The following TANGO6 variants were observed in gnomAD, a reference collection of about 807,000 sequenced individuals.
TANGO6 encodes the protein transport and golgi organization 6 homolog.
A neutral mutation model predicts 114.2 loss-of-function variants in TANGO6; 90 were observed. That is an observed-to-expected ratio of 0.79 (90% CI 0.66 to 0.94). TANGO6 has a LOEUF of 0.94. Among genes scored for constraint, TANGO6 ranks in the 40% least tolerant of loss-of-function variants. The probability of loss-of-function intolerance (pLI) is 0.00; values close to 1 mark genes in which losing one functional copy is unlikely to be tolerated. For missense variants in TANGO6, 1,274 were observed against 1,315.3 expected, an observed-to-expected ratio of 0.97 and a Z score of 0.49; for synonymous variants, 477 against 509.8, an observed-to-expected ratio of 0.94 and a Z score of 0.87.
intron 15 of TANGO6, among the ~76,000 whole-genome samples, chr16:68,990,110 T>C (rs1007505012): frequency 2.0e-5 from 3 of 152,158 alleles, no homozygotes; most frequent in Non-Finnish European, 2.9e-5. Context: ...CACAGCTCAA[T>C]GCAGCCTCAA....
At chr16:68,958,024 T>A (rs1205006586) in intron 14 of TANGO6, among the ~76,000 whole-genome samples, 3 of 151,014 alleles carry the variant, frequency 2.0e-5, no homozygotes, top group Non-Finnish European at 4.4e-5. Flanking sequence ...ATACAAAAAT[T>A]AGCCGGGTGC....
chr16:68,978,741 G>A (rs191364205), intron 15 of TANGO6, among the ~76,000 whole-genome samples: 2 of 151,794 alleles, frequency 1.3e-5, no homozygotes, highest in East Asian at 3.9e-4. Context: ...GGAGAATGCG[G>A]CCCACCCGTG....
intron 11 of TANGO6, among the ~76,000 whole-genome samples, chr16:68,916,761 T>G (rs1193358053): frequency 6.6e-6 from 1 of 152,132 alleles, no homozygotes; most frequent in Admixed American, 6.6e-5. Context: ...AGTTTTTTTT[T>G]AGAGCAGTTT....
At chr16:68,909,480 T>C (rs1962895916) in intron 11 of TANGO6, 78 bp downstream of exon 11, 1 of 1,316,576 alleles carries the variant, frequency 7.6e-7, no homozygotes, top group Non-Finnish European at 9.9e-7. Context: ...GCTGAGAGTG[T>C]GATTTGATGA....
At chr16:68,918,914 TA>T (rs143767290) in intron 11 of TANGO6, among the ~76,000 whole-genome samples, 170 bp from the exon 12 acceptor site, 18 of 149,366 alleles carry the variant, frequency 1.2e-4, no homozygotes, top group African/African-American at 2.5e-4. Context: ...GGTAAATGTT[TA>T]AAAAAAAAAC....
At chr16:69,044,408 AATCCCTGGAGAGGGATT>A (rs1334383338) in intron 17 of TANGO6, among the ~76,000 whole-genome samples, 1 of 152,030 alleles carries the variant, frequency 6.6e-6, no homozygotes, top group African/African-American at 2.4e-5. Context: ...GGCTACCTGA[AATCCCTGGAGAGGGATT>A]AGAAGCAGGC....
At chr16:69,027,142 A>G (rs1029157405) in intron 16 of TANGO6, among the ~76,000 whole-genome samples, 3 of 152,192 alleles carry the variant, frequency 2.0e-5, no homozygotes, top group African/African-American at 7.2e-5. Flanking sequence ...GATTACAGGC[A>G]TGAGCCACCG....
intron 15 of TANGO6, among the ~76,000 whole-genome samples, chr16:69,022,047 G>T (rs571236244): frequency 6.6e-6 from 1 of 151,582 alleles, no homozygotes; most frequent in Non-Finnish European, 1.5e-5. Context: ...CACCACGCCC[G>T]GCTAATTTTT....
intron 15 of TANGO6, among the ~76,000 whole-genome samples, chr16:68,979,199 C>A (rs1214097271): frequency 6.6e-6 from 1 of 151,650 alleles, no homozygotes; most frequent in Non-Finnish European, 1.5e-5. Flanking sequence ...GAGATTAAGG[C>A]GTAAACCACA....
intron 14 of TANGO6, 142 bp downstream of exon 14, chr16:68,930,437 T>C: frequency 1.6e-6 from 1 of 639,902 alleles, no homozygotes; most frequent in Non-Finnish European, 2.7e-6. Context: ...TAGGACACTT[T>C]AAGTCATAAT....
chr16:69,067,207 A>AT (rs1176991704), intron 17 of TANGO6, among the ~76,000 whole-genome samples: 11 of 151,008 alleles, frequency 7.3e-5, no homozygotes, highest in Non-Finnish European at 1.2e-4. Context: ...TACAAAAAAA[A>AT]TTTTTTTTTT....
chr16:69,060,168 C>CT (rs1026832305), intron 17 of TANGO6, among the ~76,000 whole-genome samples: 2 of 151,790 alleles, frequency 1.3e-5, no homozygotes, highest in Admixed American at 6.6e-5. Context: ...TATGAAAAGG[C>CT]TTTTTTTTCT....
Position 68,974,108 on chromosome 16 carries a change from C to G in TANGO6, c.2782C>G (p.His928Asp). Residue 928 changes from histidine to aspartate, a missense_variant, in exon 15 of 18, where the codon CAC (histidine) becomes GAC (aspartate). Physicochemically the swap from His to Asp is moderately conservative, Grantham distance 81 (BLOSUM62 -1). Coordinates refer to ENST00000261778, the MANE Select transcript of TANGO6 (RefSeq NM_024562.2). ...LAQYDSSKDK[H>D]TPETRMKVGE... ...TCAATATGACAGCAGCAAAGACAAG[C>G]ACACACCAGAGACCAGAATGAAAGT... 3 of 1,613,938 alleles carry G rather than the reference C, an allele frequency of 1.9e-6. No individual in the cohort carries two copies. The highest frequency in any genetic ancestry group is 2.5e-6 in the Non-Finnish European group (3 of 1,179,884).
At chr16:69,074,798 C>CTGTGTG (rs60702668) in intron 17 of TANGO6, among the ~76,000 whole-genome samples, 4,175 of 135,152 alleles carry the variant, frequency 0.031, 119 homozygotes, top group East Asian at 0.096. Flanking sequence ...GTTCGAATGC[C>CTGTGTG]TGTGTGTGTG....
chr16:69,069,904 T>G (rs1320299738), intron 17 of TANGO6, among the ~76,000 whole-genome samples: 1 of 152,094 alleles, frequency 6.6e-6, no homozygotes, highest in Non-Finnish European at 1.5e-5. Context: ...AAAGCAAGTT[T>G]ATTAAGAAAA....
chr16:68,949,831 A>ATT (rs1963454394), intron 14 of TANGO6, among the ~76,000 whole-genome samples: 2 of 150,796 alleles, frequency 1.3e-5, no homozygotes, highest in African/African-American at 5.0e-5. Context: ...AAAAGTTTAT[A>ATT]TTTATATATA....
chr16:69,067,091 C>T (rs1960223727), intron 17 of TANGO6, among the ~76,000 whole-genome samples: 1 of 152,128 alleles, frequency 6.6e-6, no homozygotes, highest in Admixed American at 6.6e-5. Flanking sequence ...GACAAAGGGT[C>T]TTGCTGTGTT....
chr16:68,907,363 C>G, intron 9 of TANGO6, 80 bp from the exon 10 acceptor site: 1 of 1,411,742 alleles, frequency 7.1e-7, no homozygotes, highest in Non-Finnish European at 9.4e-7. Flanking sequence ...TAACATGTTA[C>G]TTTAGAAGAT....
rs531159997 is a variant in TANGO6 at position 68,938,823 on chromosome 16, C to T, written c.2701+8528C>T. 1.1e-4 allele frequency among the ~76,000 whole-genome samples: 17 copies of T among 152,026 alleles called. 1 individual carries two copies. The highest frequency in any genetic ancestry group is 2.2e-4 in the African/African-American group (9 of 41,480). ...AGTCAATTATCAAGTTCTATCTTAA[C>T]AGTTCTATAAGCATTAGCAATCATC... On this transcript the variant is annotated intron_variant, in intron 14 of 17. Transcript: ENST00000261778.
Sources: gnomAD v4.1 joint callset for allele counts (sites outside exome capture counted in the v4.1 genomes callset) on GRCh38, gnomAD v4.1.1 for gene constraint, MANE v1.5 for transcripts, NCBI Gene and HGNC (gene_info 2026-07-23, HGNC 2026-07-21) for gene names.